Variants in COLEC12 observed in about 807,000 individuals in gnomAD.
COLEC12 encodes collectin subfamily member 12.
Under a neutral mutation model 71.1 loss-of-function variants are expected in COLEC12, and 33 were observed. The observed-to-expected ratio is 0.46, with a 90% CI of 0.35 to 0.62. The LOEUF (loss-of-function observed/expected upper bound fraction) is 0.62. COLEC12 is among the 20% of genes least tolerant of loss of function. The pLI is 0.00. For synonymous variants in COLEC12, 350 were observed against 353.0 expected, an observed-to-expected ratio of 0.99 and a Z score of 0.10; for missense variants, 765 against 916.1, an observed-to-expected ratio of 0.84 and a Z score of 2.13.
chr18:480,580 G>T lies in COLEC12; in HGVS notation c.58+127C>A. 2 of 817,512 alleles carry T rather than the reference G, an allele frequency of 2.4e-6. No homozygotes were observed. Among genetic ancestry groups the T allele is most frequent in the Non-Finnish European group, 4.3e-6 (2 of 468,100 alleles). 50.6% of individuals were successfully genotyped at this position (817,512 alleles called of 1,614,324 possible). On this transcript the variant is annotated intron_variant, in intron 2 of 9. Coordinates refer to ENST00000400256, the MANE Select transcript of COLEC12 (RefSeq NM_130386.3). This position sits in a 1 kb window ranked among gnomAD's most constrained non-coding sequence, Gnocchi z 4.1. ...AGACACTCACTTTCCAACCAAAATTGGACCTCAGAGCCACAAACACCCATG... is the reference window on the plus strand; with the variant it reads ...AGACACTCACTTTCCAACCAAAATTTGACCTCAGAGCCACAAACACCCATG...
intron 2 of COLEC12, among the ~76,000 whole-genome samples, chr18:369,488 G>A (rs371494013): frequency 1.4e-4 from 19 of 136,480 alleles, no homozygotes; most frequent in East Asian, 4.2e-4. Flanking sequence ...TAGGGTACAT[G>A]TGCACATTGT....
chr18:403,227 T>C (rs1915722631), intron 2 of COLEC12, among the ~76,000 whole-genome samples: 1 of 152,200 alleles, frequency 6.6e-6, no homozygotes, highest in South Asian at 2.1e-4. Context: ...CATGTACACA[T>C]GAACACAAAT....
At chr18:498,363 C>CTTTTTTTTTTTTTTTT (rs542727500) in intron 1 of COLEC12, among the ~76,000 whole-genome samples, 15 of 100,756 alleles carry the variant, frequency 1.5e-4, no homozygotes, top group Admixed American at 2.1e-4. Context: ...TATTTTTTTT[C>CTTTTTTTTTTTTTTTT]TTTTTTTTTT....
intron 2 of COLEC12, among the ~76,000 whole-genome samples, chr18:474,373 A>G (rs1232141236): frequency 6.6e-6 from 1 of 152,216 alleles, no homozygotes; most frequent in Non-Finnish European, 1.5e-5. Context: ...TTTCTTTCAC[A>G]CGACTTTCTC....
chr18:389,408 A>G (rs1038107447), intron 2 of COLEC12, among the ~76,000 whole-genome samples: 2 of 151,958 alleles, frequency 1.3e-5, no homozygotes, highest in African/African-American at 4.8e-5. Context: ...CCTTCCGAGT[A>G]GCTGGGACTA....
At chr18:469,814 T>C (rs957711123) in intron 2 of COLEC12, among the ~76,000 whole-genome samples, 2 of 152,214 alleles carry the variant, frequency 1.3e-5, no homozygotes, top group Non-Finnish European at 2.9e-5. Flanking sequence ...TGGGAAGCCT[T>C]TGATGAGGCC....
intron 2 of COLEC12, among the ~76,000 whole-genome samples, chr18:461,171 A>C (rs1916975821): frequency 6.6e-6 from 1 of 152,198 alleles, no homozygotes; most frequent in Non-Finnish European, 1.5e-5. Flanking sequence ...TGCCTTGAAA[A>C]TCATCTATAA....
intron 2 of COLEC12, among the ~76,000 whole-genome samples, chr18:381,888 T>G (rs993355757): frequency 2.0e-5 from 3 of 152,158 alleles, no homozygotes; most frequent in Admixed American, 6.5e-5. Flanking sequence ...TGAAGGATTT[T>G]TTTTTTAAAA....
intron 2 of COLEC12, among the ~76,000 whole-genome samples, chr18:462,487 G>A (rs371244885): frequency 3.3e-5 from 5 of 152,196 alleles, no homozygotes; most frequent in African/African-American, 1.2e-4. Context: ...CCAGAAAGTA[G>A]CTTAGTGGTG....
At chr18:457,094 C>T (rs1916888328) in intron 2 of COLEC12, among the ~76,000 whole-genome samples, 1 of 152,244 alleles carries the variant, frequency 6.6e-6, no homozygotes, top group Admixed American at 6.5e-5. Flanking sequence ...CAGGTAACTG[C>T]TCTTCCTCTT....
At chr18:418,316 C>T (rs923450548) in intron 2 of COLEC12, among the ~76,000 whole-genome samples, 3 of 151,982 alleles carry the variant, frequency 2.0e-5, no homozygotes, top group African/African-American at 2.4e-5. Flanking sequence ...TAAAATATCC[C>T]AAATGGTGAT....
Position 334,981 on chromosome 18 carries a change from G to C in COLEC12, c.1577C>G (p.Pro526Arg). The C allele has an allele frequency of 6.4e-7, 1 of 1,562,326 alleles. No individual in the cohort carries two copies. Among genetic ancestry groups the C allele is most frequent in the Non-Finnish European group, 8.6e-7 (1 of 1,158,812 alleles). ...TTTGCCTGGTGGGCCCGGGGGGCCT[G>C]GGTCCCCACTGGAGCCCTGAGGGCC... ...KPGPQGSSGD[P>R]GPPGPPGKEG... The change falls in exon 6 of 10, where the codon CCA becomes CGA. Residue 526 changes from proline (P) to arginine (R), a missense_variant. Pro to Arg is a moderately radical substitution (Grantham distance 103). Coordinates refer to ENST00000400256, the MANE Select transcript of COLEC12 (RefSeq NM_130386.3).
chr18:375,358 C>T (rs1014755055), intron 2 of COLEC12, among the ~76,000 whole-genome samples: 2 of 152,240 alleles, frequency 1.3e-5, no homozygotes, highest in Non-Finnish European at 2.9e-5. Flanking sequence ...CCTGTGGGTA[C>T]CCTCATGGCT....
At chr18:459,539 C>T (rs1433693767) in intron 2 of COLEC12, among the ~76,000 whole-genome samples, 1 of 152,150 alleles carries the variant, frequency 6.6e-6, no homozygotes, top group East Asian at 1.9e-4. Flanking sequence ...ATATGAGGGG[C>T]ATTTATGACC....
chr18:389,198 C>CT (rs1915407766), intron 2 of COLEC12, among the ~76,000 whole-genome samples: 2 of 120,202 alleles, frequency 1.7e-5, no homozygotes, highest in East Asian at 4.3e-4. Flanking sequence ...GTCCATTACA[C>CT]ACACACACAG....
chr18:422,111 C>T (rs1467945409), intron 2 of COLEC12, among the ~76,000 whole-genome samples: 1 of 152,174 alleles, frequency 6.6e-6, no homozygotes, highest in Admixed American at 6.5e-5. Context: ...AGGTAAGAGT[C>T]ACCAGGGTTA....
intron 2 of COLEC12, among the ~76,000 whole-genome samples, chr18:390,930 C>T (rs566720180): frequency 2.6e-5 from 4 of 152,318 alleles, no homozygotes; most frequent in East Asian, 1.9e-4. Flanking sequence ...GGACAGACAT[C>T]GTTCCCATAG....
rs565894597 is a variant in COLEC12, at chr18:495,817, C to T, written c.7+4691G>A. ...GAGATTACACATGTGATTCTGGAAT[C>T]AGACAGTCTGAGCCTGAATACTGAT... On this transcript the variant is annotated intron_variant, in intron 1 of 9. Transcript: ENST00000400256. Among the ~76,000 whole-genome samples the T allele has an allele frequency of 5.9e-5, 9 of 152,328 alleles. No homozygotes were observed. The South Asian group carries it at 1.9e-3, about 32-fold the overall frequency.
chr18:343,694 T>C (rs1567878395), intron 5 of COLEC12, among the ~76,000 whole-genome samples: 2 of 152,212 alleles, frequency 1.3e-5, no homozygotes, highest in East Asian at 1.9e-4. Flanking sequence ...TTGGAGTTAA[T>C]GGCATCAGGT....
Sources: gnomAD v4.1 joint callset for allele counts (sites outside exome capture counted in the v4.1 genomes callset) on GRCh38, gnomAD v4.1.1 for gene constraint, Gnocchi (gnomAD v3.1) non-coding constraint, MANE v1.5 for transcripts, NCBI Gene and HGNC (gene_info 2026-07-23, HGNC 2026-07-21) for gene names.